KCND3: variants seen among roughly 807,000 people sequenced by gnomAD.
KCND3 encodes the protein potassium voltage-gated channel subfamily D member 3.
A neutral mutation model predicts 51.1 loss-of-function variants in KCND3; 9 were observed. The ratio of observed to expected loss-of-function variants is 0.18; its 90% confidence interval spans 0.11 to 0.31. The LOEUF is 0.31. Among genes scored for constraint, KCND3 ranks in the 10% least tolerant of loss-of-function variants. The pLI is 1.00. For missense variants in KCND3, 526 were observed against 903.8 expected, an observed-to-expected ratio of 0.58 and a Z score of 5.36; for synonymous variants, 349 against 368.0, an observed-to-expected ratio of 0.95 and a Z score of 0.59.
chr1:111,887,683 G>A (rs955597948), intron 2 of KCND3, among the ~76,000 whole-genome samples: 1 of 152,178 alleles, frequency 6.6e-6, no homozygotes, highest in African/African-American at 2.4e-5. Flanking sequence ...GATAAACCAA[G>A]GGGCCAGCAT....
rs1427682557 is a variant in KCND3 at position 111,776,335 on chromosome 1, TC to T, written c.1767-58del. On this transcript the variant is annotated intron_variant, in intron 7 of 7. Coordinates refer to ENST00000302127, the MANE Select transcript of KCND3 (RefSeq NM_001378969.1). ...TCCTGCTGGCCAGCGTCCCAAAGCT[TC>T]CTTGACCCCCTACATTTCTTGCTCG... The T allele has an allele frequency of 7.9e-6, 12 of 1,516,206 alleles. No homozygotes were observed. In the Admixed American group the frequency reaches 2.2e-4, roughly 28 times the overall value. 93.9% of individuals were successfully genotyped at this position (1,516,206 alleles called of 1,614,324 possible).
chr1:111,908,174 A>G (rs1351612937), intron 2 of KCND3, among the ~76,000 whole-genome samples: 1 of 152,172 alleles, frequency 6.6e-6, no homozygotes, highest in Non-Finnish European at 1.5e-5. Flanking sequence ...GATTTGACTG[A>G]CATTTATTTA....
chr1:111,983,993 G>A (rs1047917066), intron 1 of KCND3, among the ~76,000 whole-genome samples: 3 of 152,188 alleles, frequency 2.0e-5, no homozygotes, highest in Admixed American at 2.0e-4. Flanking sequence ...GTGGTGACAC[G>A]GAAACACACG....
At chr1:111,869,711 T>C (rs1016934193) in intron 2 of KCND3, among the ~76,000 whole-genome samples, 1 of 152,226 alleles carries the variant, frequency 6.6e-6, no homozygotes, top group Non-Finnish European at 1.5e-5. Flanking sequence ...TTAGCCTGCT[T>C]TCACAGATGA....
At chr1:111,824,826 G>T (rs147513251) in intron 2 of KCND3, among the ~76,000 whole-genome samples, 1 of 152,120 alleles carries the variant, frequency 6.6e-6, no homozygotes, top group Non-Finnish European at 1.5e-5. Context: ...TCCACACATA[G>T]TTACATTTCT....
chr1:111,850,343 C>T (rs1667754198), intron 2 of KCND3, among the ~76,000 whole-genome samples: 1 of 152,140 alleles, frequency 6.6e-6, no homozygotes, highest in Non-Finnish European at 1.5e-5. Flanking sequence ...GCACCCCCAC[C>T]CCAGTGTGCT....
intron 2 of KCND3, among the ~76,000 whole-genome samples, chr1:111,823,674 T>C (rs989292111): frequency 6.6e-6 from 1 of 152,206 alleles, no homozygotes; most frequent in Non-Finnish European, 1.5e-5. Flanking sequence ...TCTTTGTGAC[T>C]ACCACTCATT....
At chr1:111,965,206 G>A (rs1263173893) in intron 2 of KCND3, among the ~76,000 whole-genome samples, 1 of 151,876 alleles carries the variant, frequency 6.6e-6, no homozygotes, top group South Asian at 2.1e-4. Context: ...TGAGTAAAAG[G>A]GGTGTGGAGG....
chr1:111,930,077 AT>A (rs1158562598), intron 2 of KCND3, among the ~76,000 whole-genome samples: 1 of 152,198 alleles, frequency 6.6e-6, no homozygotes, highest in Non-Finnish European at 1.5e-5. Flanking sequence ...GAAGAAGCTA[AT>A]TAGGTAGGCA....
intron 2 of KCND3, among the ~76,000 whole-genome samples, chr1:111,837,878 A>G (rs1203757076): frequency 6.6e-6 from 1 of 152,134 alleles, no homozygotes; most frequent in Non-Finnish European, 1.5e-5. Context: ...TACTGGTCAG[A>G]TATTTTGTAG....
At chr1:111,835,021 G>C (rs1318670) in intron 2 of KCND3, among the ~76,000 whole-genome samples, 1 of 152,016 alleles carries the variant, frequency 6.6e-6, no homozygotes, top group Non-Finnish European at 1.5e-5. Flanking sequence ...CTTGGAGGGT[G>C]CTCAGTGCCT....
chr1:111,829,320 TGG>T (rs147365875), intron 2 of KCND3, among the ~76,000 whole-genome samples: 5,432 of 152,166 alleles, frequency 0.036, 105 homozygotes, highest in African/African-American at 0.044. Context: ...ACAATTCAAA[TGG>T]GCCTTCCAGA....
intron 2 of KCND3, among the ~76,000 whole-genome samples, chr1:111,962,657 T>C (rs562136269): frequency 1.3e-5 from 2 of 152,336 alleles, no homozygotes; most frequent in South Asian, 4.1e-4. Flanking sequence ...GTCCAGACCT[T>C]CTTTGTATTT....
At chr1:111,952,742 C>T (rs552296680) in intron 2 of KCND3, among the ~76,000 whole-genome samples, 1 of 152,220 alleles carries the variant, frequency 6.6e-6, no homozygotes, top group African/African-American at 2.4e-5. Context: ...CCCAAAACTC[C>T]CATGCTTGCC....
intron 1 of KCND3, among the ~76,000 whole-genome samples, chr1:111,984,188 G>A (rs991196854): frequency 2.0e-5 from 3 of 152,144 alleles, no homozygotes; most frequent in African/African-American, 7.2e-5. Context: ...ACGAAGACTT[G>A]TAATGGGAGT....
At chr1:111,872,817 G>A (rs1244552011) in intron 2 of KCND3, among the ~76,000 whole-genome samples, 1 of 152,152 alleles carries the variant, frequency 6.6e-6, no homozygotes, top group African/African-American at 2.4e-5. Context: ...TGTACCCAGT[G>A]AGAACACTCA....
In KCND3 at chr1:111,932,971, T is replaced by G. The variant is rs1436870517; in HGVS notation, c.1106+48650A>C. Among the ~76,000 whole-genome samples the G allele has an allele frequency of 2.0e-5, 3 of 152,344 alleles. No homozygotes were observed. The East Asian group carries it at 5.8e-4, about 29-fold the overall frequency. ...ATAGAGTACTGACATGGTTTGGCTG[T>G]GCCTCCACCCAAAATCTCATCTTAA... On this transcript the variant is annotated intron_variant, in intron 2 of 7. Coordinates refer to ENST00000302127, the MANE Select transcript of KCND3 (RefSeq NM_001378969.1).
chr1:111,955,888 A>C (rs1047316496), intron 2 of KCND3, among the ~76,000 whole-genome samples: 4 of 152,214 alleles, frequency 2.6e-5, no homozygotes, highest in Non-Finnish European at 5.9e-5. Flanking sequence ...CTGAGGAGGC[A>C]GAGGGAACTA....
intron 2 of KCND3, among the ~76,000 whole-genome samples, chr1:111,836,399 C>T (rs371684595): frequency 3.9e-5 from 6 of 152,176 alleles, no homozygotes; most frequent in Admixed American, 2.0e-4. Flanking sequence ...CTCTGGGCTC[C>T]GACTTTACAA....
Sources: allele counts gnomAD v4.1 joint callset (sites outside exome capture counted in the v4.1 genomes callset), GRCh38; gene constraint gnomAD v4.1.1; transcripts MANE v1.5; gene names NCBI Gene and HGNC (gene_info 2026-07-23, HGNC 2026-07-21).